Variants in SNTG1 observed in about 807,000 individuals in gnomAD.
SNTG1 encodes syntrophin gamma 1.
In SNTG1, 39 loss-of-function variants were observed where a neutral mutation model predicts 74.7. The ratio of observed to expected loss-of-function variants is 0.52; its 90% CI spans 0.40 to 0.68. The LOEUF (loss-of-function observed/expected upper bound fraction) is 0.68. Ranked by LOEUF, SNTG1 falls within the 30% of genes least tolerant of loss-of-function variation. The pLI, the probability that SNTG1 is intolerant of heterozygous loss-of-function variation, is 0.00. For missense variants in SNTG1, 685 were observed against 609.5 expected, an observed-to-expected ratio of 1.12 and a Z score of -1.30; for synonymous variants, 254 against 217.1, an observed-to-expected ratio of 1.17 and a Z score of -1.49.
chr8:50,375,823 G>A (rs58280556), intron 2 of SNTG1, among the ~76,000 whole-genome samples: 2,225 of 152,208 alleles, frequency 0.015, 57 homozygotes, highest in African/African-American at 0.049. Flanking sequence ...TATATGCATG[G>A]GAGGCACCCA....
intron 10 of SNTG1, among the ~76,000 whole-genome samples, chr8:50,532,030 C>T (rs1392248727): frequency 2.0e-5 from 3 of 152,120 alleles, no homozygotes; most frequent in African/African-American, 4.8e-5. Context: ...AATTCTATAA[C>T]ATCCCAAATA....
intron 2 of SNTG1, among the ~76,000 whole-genome samples, chr8:50,334,297 G>A (rs924652677): frequency 8.5e-5 from 13 of 152,176 alleles, no homozygotes; most frequent in Admixed American, 3.3e-4. Flanking sequence ...TGTATACCAT[G>A]CTGGACTCTT....
chr8:50,615,230 G>A (rs544945254), intron 13 of SNTG1, among the ~76,000 whole-genome samples: 1 of 152,204 alleles, frequency 6.6e-6, no homozygotes, highest in Admixed American at 6.5e-5. Flanking sequence ...AAAGTGCTGG[G>A]ATTACAGGCA....
At chr8:50,682,467 A>G (rs545947584) in intron 15 of SNTG1, among the ~76,000 whole-genome samples, 1 of 152,256 alleles carries the variant, frequency 6.6e-6, no homozygotes, top group South Asian at 2.1e-4. Context: ...AGCTGGTGGG[A>G]AAGTTGTGAA....
At position 50,402,207 on chromosome 8, in the gene SNTG1, A is replaced by C. The variant is rs1421952955; in HGVS notation, c.28-3A>C. ...TCTGTTTGTTTTTTTTTTTAATCTG[A>C]AGACAAAGACAGGAATTTGTTTGCT... On this transcript the variant is annotated splice_region_variant and splice_polypyrimidine_tract_variant and intron_variant, in intron 3 of 18. Transcript: ENST00000642720. 1 of 1,584,104 alleles carries C rather than the reference A, an allele frequency of 6.3e-7. No individual in the cohort carries two copies. Among genetic ancestry groups the C allele is most frequent in the Non-Finnish European group, 8.5e-7 (1 of 1,172,510 alleles).
At chr8:50,076,090 A>G (rs911822260) in intron 1 of SNTG1, among the ~76,000 whole-genome samples, 1 of 152,228 alleles carries the variant, frequency 6.6e-6, no homozygotes, top group Non-Finnish European at 1.5e-5. Flanking sequence ...TGTAAAGTGC[A>G]ATCAAGCGAA....
chr8:50,042,098 G>T (rs1818687045), intron 1 of SNTG1, among the ~76,000 whole-genome samples: 1 of 152,192 alleles, frequency 6.6e-6, no homozygotes, highest in African/African-American at 2.4e-5. Flanking sequence ...GGGACTGTTT[G>T]TATTTCTAAC....
chr8:50,387,601 C>T (rs1342057539), intron 2 of SNTG1, among the ~76,000 whole-genome samples: 3 of 152,142 alleles, frequency 2.0e-5, no homozygotes, highest in Non-Finnish European at 2.9e-5. Flanking sequence ...GGGGCAATAT[C>T]AATCAATTTG....
chr8:50,635,625 C>G (rs1047778365), intron 13 of SNTG1, among the ~76,000 whole-genome samples: 3 of 152,150 alleles, frequency 2.0e-5, no homozygotes, highest in African/African-American at 7.2e-5. Flanking sequence ...CACTTAAGGC[C>G]AGGCCACTGA....
chr8:50,034,885 G>A (rs1320242070), intron 1 of SNTG1, among the ~76,000 whole-genome samples: 1 of 152,146 alleles, frequency 6.6e-6, no homozygotes, highest in African/African-American at 2.4e-5. Context: ...AGCAGTATTT[G>A]TTAGTCCTGG....
chr8:50,076,808 G>A lies in SNTG1; in HGVS notation c.-102-95753G>A, dbSNP rs1161856373. Among the ~76,000 whole-genome samples, 8 of 152,134 alleles carry A rather than the reference G, an allele frequency of 5.3e-5. No individual in the cohort carries two copies. The East Asian group carries it at 1.5e-3, about 29-fold the overall frequency. ...CACTGCATTATTTATAATGTATACC[G>A]TATTTAGAAGTTTAAATGAGTGGTA... On this transcript the variant is annotated intron_variant, in intron 1 of 18. Transcript: ENST00000642720.
chr8:50,705,297 T>G (rs2095439690), intron 16 of SNTG1, among the ~76,000 whole-genome samples: 2 of 151,834 alleles, frequency 1.3e-5, no homozygotes, highest in Admixed American at 1.3e-4. Flanking sequence ...TCTTCTCACT[T>G]TTGAACACAA....
chr8:50,513,938 A>G (rs2094109282), intron 9 of SNTG1, among the ~76,000 whole-genome samples: 1 of 151,998 alleles, frequency 6.6e-6, no homozygotes, highest in Admixed American at 6.6e-5. Flanking sequence ...CCACTTTTTG[A>G]CATTCCCCAA....
intron 2 of SNTG1, among the ~76,000 whole-genome samples, chr8:50,199,625 C>A (rs2083910884): frequency 6.6e-6 from 1 of 152,248 alleles, no homozygotes; most frequent in East Asian, 1.9e-4. Context: ...CAAGCAGACC[C>A]TCCTTGTGAG....
At position 49,988,059 on chromosome 8, in the gene SNTG1, A is replaced by C. The variant is rs545153989; in HGVS notation, c.-103+75828A>C. On this transcript the variant is annotated intron_variant, in intron 1 of 18. Transcript: ENST00000642720. Reference sequence around the variant, plus strand: ...CATTGATAACCCAGGGTGACTGTACACAGGCTCAAGGCTGTGACTTGTGAG... The same window carrying C: ...CATTGATAACCCAGGGTGACTGTACCCAGGCTCAAGGCTGTGACTTGTGAG... Among the ~76,000 whole-genome samples, 144 of 152,290 alleles carry C rather than the reference A, an allele frequency of 9.5e-4. 1 individual carries two copies. The highest frequency in any genetic ancestry group is 1.8e-3 in the Admixed American group (28 of 15,300).
intron 9 of SNTG1, among the ~76,000 whole-genome samples, chr8:50,512,339 G>A (rs993959431): frequency 6.6e-6 from 1 of 151,614 alleles, no homozygotes; most frequent in Non-Finnish European, 1.5e-5. Flanking sequence ...CTCTCTGGCT[G>A]CCCTTAACAT....
At chr8:50,329,157 A>T (rs1157339432) in intron 2 of SNTG1, among the ~76,000 whole-genome samples, 1 of 151,928 alleles carries the variant, frequency 6.6e-6, no homozygotes, top group East Asian at 1.9e-4. Flanking sequence ...GCAGGGTTCA[A>T]CCTCCCCGAT....
At position 50,221,163 on chromosome 8, in the gene SNTG1, G is replaced by A. The variant is rs572591205; in HGVS notation, c.-28+48528G>A. Among the ~76,000 whole-genome samples the A allele has an allele frequency of 2.6e-3, 391 of 152,218 alleles. 2 individuals carry two copies. The highest frequency in any genetic ancestry group is 0.012 in the South Asian group (60 of 4,826). Reference sequence around the variant, plus strand: ...TCTTCTAAGTAACTCATGGTTTAAAGAGGAAATCATAATGGGAAGACATAT... The same window carrying A: ...TCTTCTAAGTAACTCATGGTTTAAAAAGGAAATCATAATGGGAAGACATAT... On this transcript the variant is annotated intron_variant, in intron 2 of 18. Transcript: ENST00000642720.
intron 1 of SNTG1, among the ~76,000 whole-genome samples, chr8:49,928,069 T>G (rs1387452040): frequency 1.3e-5 from 2 of 148,498 alleles, no homozygotes; most frequent in Non-Finnish European, 3.0e-5. Context: ...GCGGAGGTTG[T>G]AGTGAGCCGA....
Sources: gnomAD v4.1 joint callset for allele counts (sites outside exome capture counted in the v4.1 genomes callset) on GRCh38, gnomAD v4.1.1 for gene constraint, MANE v1.5 for transcripts, NCBI Gene and HGNC (gene_info 2026-07-23, HGNC 2026-07-21) for gene names.